COL22A1: variants seen among roughly 807,000 people sequenced by gnomAD.
COL22A1 encodes collagen alpha-1(XXII) chain.
In COL22A1, 221 loss-of-function variants were observed where a neutral mutation model predicts 248.9. The observed-to-expected ratio is 0.89, with a 90% confidence interval of 0.80 to 0.99. The LOEUF is 0.99. COL22A1 is among the 50% of genes least tolerant of loss of function. The probability of loss-of-function intolerance (pLI) is 0.00; values close to 1 mark genes in which losing one functional copy is unlikely to be tolerated. For missense variants in COL22A1, 2,240 were observed against 2,179.0 expected (o/e 1.03, Z -0.56); for synonymous variants, 891 against 793.4 (o/e 1.12, Z -2.07).
chr8:138,599,004 G>T lies in COL22A1; in HGVS notation c.4186-106C>A. 12 of 1,231,474 alleles carry T rather than the reference G, an allele frequency of 9.7e-6. No homozygotes were observed. The South Asian group carries it at 1.6e-4, about 16-fold the overall frequency. 76.3% of individuals were successfully genotyped at this position (1,231,474 alleles called of 1,614,324 possible). ...GTCTGCCTCTTAGATCACTGAAAGGGAGACCTTGGCCCTGGGTGGCCCATG... is the reference window on the plus strand; with the variant it reads ...GTCTGCCTCTTAGATCACTGAAAGGTAGACCTTGGCCCTGGGTGGCCCATG... On this transcript the variant is annotated intron_variant, in intron 60 of 64. Coordinates refer to ENST00000303045, the MANE Select transcript of COL22A1 (RefSeq NM_152888.3).
chr8:138,833,837 G>A (rs565080038), intron 4 of COL22A1, among the ~76,000 whole-genome samples: 4 of 152,212 alleles, frequency 2.6e-5, no homozygotes, highest in Non-Finnish European at 2.9e-5. Context: ...GATCCTGAGC[G>A]GCCATGTGTA....
At chr8:138,900,329 C>T (rs1191042763) in intron 1 of COL22A1, among the ~76,000 whole-genome samples, 4 of 152,172 alleles carry the variant, frequency 2.6e-5, no homozygotes, top group African/African-American at 4.8e-5. Flanking sequence ...AGCATCTATC[C>T]GGTCTTTGCC....
chr8:138,766,912 G>A (rs549767259), intron 16 of COL22A1, among the ~76,000 whole-genome samples: 1 of 152,306 alleles, frequency 6.6e-6, no homozygotes, highest in South Asian at 2.1e-4. Flanking sequence ...TGCTAGCACT[G>A]CACTGGCTAC....
At chr8:138,864,928 A>AACTC (rs1282035645) in intron 3 of COL22A1, among the ~76,000 whole-genome samples, 1 of 152,210 alleles carries the variant, frequency 6.6e-6, no homozygotes, top group Admixed American at 6.5e-5. Flanking sequence ...GGGGAGCCAG[A>AACTC]ACTCACCTGC....
At chr8:138,670,228 G>T (rs1351032853) in intron 41 of COL22A1, among the ~76,000 whole-genome samples, 2 of 152,124 alleles carry the variant, frequency 1.3e-5, no homozygotes, top group African/African-American at 4.8e-5. Flanking sequence ...GTTATACGTG[G>T]CTCAGCTCCT....
intron 46 of COL22A1, 76 bp downstream of exon 46, chr8:138,649,589 A>G (rs1822507703): frequency 1.9e-6 from 3 of 1,548,868 alleles, no homozygotes; most frequent in African/African-American, 1.4e-5. Context: ...TCAGAGGCAG[A>G]TGGGGCAATA....
intron 3 of COL22A1, among the ~76,000 whole-genome samples, chr8:138,865,836 T>C (rs780082448): frequency 6.6e-6 from 1 of 151,576 alleles, no homozygotes; most frequent in Non-Finnish European, 1.5e-5. Flanking sequence ...TGTGTGTATA[T>C]GTATGCCTGT....
At chr8:138,600,237 C>T (rs1480502369) in intron 60 of COL22A1, among the ~76,000 whole-genome samples, 1 of 152,132 alleles carries the variant, frequency 6.6e-6, no homozygotes, top group African/African-American at 2.4e-5. Context: ...AATATGGCAG[C>T]CACATTAATG....
At chr8:138,672,338 G>A (rs1825104522) in intron 41 of COL22A1, among the ~76,000 whole-genome samples, 1 of 152,186 alleles carries the variant, frequency 6.6e-6, no homozygotes, top group Non-Finnish European at 1.5e-5. Flanking sequence ...CTGCAAGTAG[G>A]CACTTTATGT....
chr8:138,630,889 T>C (rs1820665299), intron 49 of COL22A1, 141 bp from the exon 50 acceptor site: 1 of 772,714 alleles, frequency 1.3e-6, no homozygotes. Flanking sequence ...ATTCCCAATA[T>C]TGTAGGTGGG....
Position 138,591,476 on chromosome 8 carries a change from T to C in COL22A1, c.4641A>G (p.Pro1547=). The stretch of plus-strand genomic sequence containing the variant: ...CTCGGAGGCCAACTCCAGGTGCACC[T>C]GGGTCACCTTTGGCTCCTCGCTCAC... ...PKGERGAKGD[P]GAPGVGLRGE... The change falls in exon 64 of 65, where the codon CCA becomes CCG. Residue 1547 remains proline, a synonymous_variant. Coordinates refer to ENST00000303045, the MANE Select transcript of COL22A1 (RefSeq NM_152888.3). The C allele has an allele frequency of 3.2e-6, 5 of 1,575,176 alleles. No individual in the cohort carries two copies. The highest frequency in any genetic ancestry group is 4.3e-6 in the Non-Finnish European group (5 of 1,160,128).
At chr8:138,737,443 C>A (rs1468697134) in intron 23 of COL22A1, 81 bp downstream of exon 23, 4 of 1,020,990 alleles carry the variant, frequency 3.9e-6, no homozygotes, top group Non-Finnish European at 6.2e-6. Context: ...TCTGGCTGCC[C>A]ACCTGAGAGC....
intron 21 of COL22A1, 129 bp downstream of exon 21, chr8:138,755,028 A>T: frequency 1.1e-6 from 1 of 898,860 alleles, no homozygotes; most frequent in East Asian, 2.4e-5. Flanking sequence ...CAACAGCACA[A>T]CCCACTCAGG....
chr8:138,839,464 C>T (rs1820701179), intron 4 of COL22A1, among the ~76,000 whole-genome samples: 1 of 152,156 alleles, frequency 6.6e-6, no homozygotes, highest in South Asian at 2.1e-4. Context: ...TTTCCAAGGT[C>T]ATTCTGGCAG....
intron 26 of COL22A1, 100 bp downstream of exon 26, chr8:138,721,936 C>T (rs1829895656): frequency 1.1e-6 from 1 of 929,182 alleles, no homozygotes; most frequent in East Asian, 2.6e-5. Context: ...ATCGAAGACC[C>T]AGGCAATTGA....
chr8:138,762,020 T>C (rs1360910205), intron 17 of COL22A1, among the ~76,000 whole-genome samples: 3 of 152,250 alleles, frequency 2.0e-5, no homozygotes, highest in African/African-American at 2.4e-5. Context: ...TAGCACTCTC[T>C]GTGTCGATGC....
rs572304297 is a variant in COL22A1, at chr8:138,635,040, G to A, written c.3579C>T (p.Phe1193=). The part of the protein sequence containing the change: ...GDQGHPGVPG[F]MGPPGNPGPP... ...GCCCAGGGTTCCCTGGGGGCCCCAT[G>A]AAACCTGGAACTCCAGGATGACCCT... The change falls in exon 49 of 65, where the codon TTC becomes TTT. Residue 1193 remains phenylalanine, a synonymous_variant. Coordinates refer to ENST00000303045, the MANE Select transcript of COL22A1 (RefSeq NM_152888.3). 7 of 1,609,900 alleles carry A rather than the reference G, an allele frequency of 4.3e-6. No homozygotes were observed. In the Admixed American group the frequency reaches 1.2e-4, roughly 27 times the overall value.
At chr8:138,644,855 G>T (rs1238078431) in intron 47 of COL22A1, among the ~76,000 whole-genome samples, 1 of 152,088 alleles carries the variant, frequency 6.6e-6, no homozygotes, top group African/African-American at 2.4e-5. Context: ...CTTGCTCTTG[G>T]TTTCTGCTGG....
chr8:138,740,563 T>C lies in COL22A1; in HGVS notation c.2086-2986A>G, dbSNP rs144715235. Among the ~76,000 whole-genome samples the C allele has an allele frequency of 2.8e-3, 422 of 152,240 alleles. 3 individuals carry two copies. Among genetic ancestry groups the C allele is most frequent in the African/African-American group, 9.6e-3 (400 of 41,536 alleles). On this transcript the variant is annotated intron_variant, in intron 22 of 64. Transcript: ENST00000303045. Reference sequence around the variant, plus strand: ...TTGACAACAGGACTTGTAAAAGGCATGAATTCAGGAGGTGTTCCTGTGCCA... The same window carrying C: ...TTGACAACAGGACTTGTAAAAGGCACGAATTCAGGAGGTGTTCCTGTGCCA...
Sources: allele counts gnomAD v4.1 joint callset (sites outside exome capture counted in the v4.1 genomes callset), GRCh38; gene constraint gnomAD v4.1.1; transcripts MANE v1.5; gene names NCBI Gene and HGNC (gene_info 2026-07-23, HGNC 2026-07-21).